The following WDFY2 variants were observed in gnomAD, a reference collection of about 807,000 sequenced individuals.
WDFY2 encodes WD repeat and FYVE domain-containing protein 2.
Under a neutral mutation model 56.4 loss-of-function variants are expected in WDFY2, and 36 were observed. The observed-to-expected ratio is 0.64, with a 90% confidence interval of 0.49 to 0.84. The LOEUF is 0.84. WDFY2 is among the 40% of genes least tolerant of loss of function. WDFY2 has a pLI of 0.00. For synonymous variants in WDFY2, 176 were observed against 183.7 expected (o/e 0.96, Z 0.34); for missense variants, 444 against 512.2 (o/e 0.87, Z 1.29).
Position 51,755,233 on chromosome 13 carries a change from T to G in WDFY2, c.832-125T>G, listed in dbSNP as rs1953340500. The G allele has an allele frequency of 1.5e-5, 13 of 873,116 alleles. No individual in the cohort carries two copies. The South Asian group carries it at 2.1e-4, about 14-fold the overall frequency. 54.1% of individuals were successfully genotyped at this position (873,116 alleles called of 1,614,324 possible). A position where few individuals can be genotyped will look rare whatever the true frequency, so the allele number is the denominator to read the frequency against. Reference sequence around the variant, plus strand: ...AGTAAATATTTTTTGAATGATTGACTGAGAAATCACACCTCTGTTTCTTTT... The same window carrying G: ...AGTAAATATTTTTTGAATGATTGACGGAGAAATCACACCTCTGTTTCTTTT... On this transcript the variant is annotated intron_variant, in intron 8 of 11. Transcript: ENST00000298125.
At chr13:51,638,725 C>T (rs142800637) in intron 1 of WDFY2, among the ~76,000 whole-genome samples, 4 of 152,264 alleles carry the variant, frequency 2.6e-5, no homozygotes, top group East Asian at 1.9e-4. Context: ...AAATATTGGG[C>T]ACTGCTAAAC....
chr13:51,723,226 A>C (rs1232483046), intron 5 of WDFY2, among the ~76,000 whole-genome samples: 1 of 152,196 alleles, frequency 6.6e-6, no homozygotes, highest in Non-Finnish European at 1.5e-5. Context: ...ATCCTTATAT[A>C]CTTCATTGAA....
intron 1 of WDFY2, among the ~76,000 whole-genome samples, chr13:51,652,137 T>G (rs1955402296): frequency 6.6e-6 from 1 of 152,232 alleles, no homozygotes; most frequent in East Asian, 1.9e-4. Flanking sequence ...CTTGTTGAAT[T>G]GATCCCTTTA....
intron 7 of WDFY2, among the ~76,000 whole-genome samples, chr13:51,747,172 A>G (rs1370388715): frequency 1.3e-5 from 2 of 152,286 alleles, no homozygotes; most frequent in Non-Finnish European, 2.9e-5. Context: ...AGAATAATAC[A>G]GAAATTATCT....
At chr13:51,714,940 G>C (rs186484786) in intron 4 of WDFY2, among the ~76,000 whole-genome samples, 22 of 152,328 alleles carry the variant, frequency 1.4e-4, no homozygotes, top group Admixed American at 1.4e-3. Context: ...GAATACTGTA[G>C]GCAGTTGTAG....
At position 51,726,766 on chromosome 13, in the gene WDFY2, AT is replaced by A. The variant is rs553405261; in HGVS notation, c.486-908del. On this transcript the variant is annotated intron_variant, in intron 5 of 11. Coordinates refer to ENST00000298125, the MANE Select transcript of WDFY2 (RefSeq NM_052950.4). ...GTGTTAACTCTTTTTTCACAGCACC[AT>A]TTTGATTTCTTCTTGAACTATCTAT... Among the ~76,000 whole-genome samples, 113 of 152,308 alleles carry A rather than the reference AT, an allele frequency of 7.4e-4. 1 individual carries two copies. Among genetic ancestry groups the A allele is most frequent in the Middle Eastern group, 3.4e-3 (1 of 294 alleles).
intron 5 of WDFY2, among the ~76,000 whole-genome samples, chr13:51,723,290 TAAC>T (rs1168778691): frequency 6.6e-6 from 1 of 152,252 alleles, no homozygotes; most frequent in Non-Finnish European, 1.5e-5. Flanking sequence ...ATCTAAAAAT[TAAC>T]AATCACTCTT....
chr13:51,688,080 G>T (rs1481549951), intron 3 of WDFY2, among the ~76,000 whole-genome samples: 2 of 152,124 alleles, frequency 1.3e-5, no homozygotes, highest in Non-Finnish European at 2.9e-5. Flanking sequence ...AAATTGAGTG[G>T]GGAGAAGGGG....
At chr13:51,733,935 C>G (rs1952778840) in intron 6 of WDFY2, among the ~76,000 whole-genome samples, 1 of 152,122 alleles carries the variant, frequency 6.6e-6, no homozygotes, top group Non-Finnish European at 1.5e-5. Flanking sequence ...TTATGGATCT[C>G]AGGAAGAAGG....
At chr13:51,756,251 C>G (rs1262939395) in intron 9 of WDFY2, 81 bp from the exon 10 acceptor site, 7 of 1,536,298 alleles carry the variant, frequency 4.6e-6, no homozygotes, top group Non-Finnish European at 6.1e-6. Context: ...GATTACACCT[C>G]TCTGCCAGGA....
chr13:51,605,106 G>A (rs1396991726), intron 1 of WDFY2, among the ~76,000 whole-genome samples: 6 of 152,232 alleles, frequency 3.9e-5, no homozygotes, highest in East Asian at 1.9e-4. Context: ...AGAGAATGCC[G>A]CGGAAGCTGG....
intron 1 of WDFY2, among the ~76,000 whole-genome samples, chr13:51,621,253 C>T (rs1954720083): frequency 6.6e-6 from 1 of 152,062 alleles, no homozygotes; most frequent in African/African-American, 2.4e-5. Context: ...GCCTGTAATC[C>T]CAGCACTTTG....
intron 1 of WDFY2, among the ~76,000 whole-genome samples, chr13:51,642,061 C>CT (rs763355081): frequency 1.3e-5 from 2 of 151,884 alleles, no homozygotes; most frequent in Non-Finnish European, 2.9e-5. Flanking sequence ...ATTATTGACC[C>CT]TTTCCCCCAT....
At chr13:51,682,902 A>T (rs1451577906) in intron 3 of WDFY2, among the ~76,000 whole-genome samples, 4 of 152,140 alleles carry the variant, frequency 2.6e-5, no homozygotes, top group Non-Finnish European at 5.9e-5. Context: ...ATTCCTTAGG[A>T]CTATTCAACT....
At chr13:51,722,469 C>G (rs1952512618) in intron 5 of WDFY2, among the ~76,000 whole-genome samples, 1 of 151,440 alleles carries the variant, frequency 6.6e-6, no homozygotes, top group Admixed American at 6.6e-5. Flanking sequence ...ATAGGAACAA[C>G]AAGAATGACA....
At chr13:51,711,522 A>C (rs1952216523) in intron 4 of WDFY2, among the ~76,000 whole-genome samples, 1 of 152,232 alleles carries the variant, frequency 6.6e-6, no homozygotes, top group African/African-American at 2.4e-5. Context: ...ATGGGAGAAG[A>C]TTTTTACAAT....
At chr13:51,621,713 A>G (rs1225842223) in intron 1 of WDFY2, among the ~76,000 whole-genome samples, 1 of 152,196 alleles carries the variant, frequency 6.6e-6, no homozygotes, top group Non-Finnish European at 1.5e-5. Context: ...GATACTGGCC[A>G]GATTCGTCCT....
At chr13:51,716,026 A>G (rs533768746) in intron 4 of WDFY2, among the ~76,000 whole-genome samples, 1 of 152,330 alleles carries the variant, frequency 6.6e-6, no homozygotes, top group South Asian at 2.1e-4. Context: ...TGATATATAT[A>G]TATACAGTGA....
chr13:51,751,470 C>T, intron 8 of WDFY2, 55 bp downstream of exon 8: 4 of 1,458,688 alleles, frequency 2.7e-6, no homozygotes, highest in Non-Finnish European at 3.8e-6. Flanking sequence ...TGCCTCCCTT[C>T]CTGCTTATTT....
Sources: allele counts gnomAD v4.1 joint callset (sites outside exome capture counted in the v4.1 genomes callset), GRCh38; gene constraint gnomAD v4.1.1; transcripts MANE v1.5; gene names NCBI Gene and HGNC (gene_info 2026-07-23, HGNC 2026-07-21).